MYO7B: variants seen among roughly 807,000 people sequenced by gnomAD.
MYO7B encodes the protein myosin VIIB.
MYO7B carries 212 observed loss-of-function variants against 259.7 expected under a neutral mutation model. The observed-to-expected ratio is 0.82, with a 90% confidence interval of 0.73 to 0.91. The LOEUF is 0.91. MYO7B is among the 40% of genes least tolerant of loss of function. MYO7B has a pLI of 0.00. For missense variants in MYO7B, 2,732 were observed against 2,813.5 expected (o/e 0.97, Z 0.66); for synonymous variants, 1,197 against 1,166.4 (o/e 1.03, Z -0.54).
rs1681054257 is a variant in MYO7B, at chr2:127,625,364, G to A, written c.4048-4G>A. 5.1e-6 allele frequency: 8 copies of A among 1,562,916 alleles called. No individual in the cohort carries two copies. Among genetic ancestry groups the A allele is most frequent in the Non-Finnish European group, 6.9e-6 (8 of 1,154,526 alleles). On this transcript the variant is annotated splice_polypyrimidine_tract_variant and splice_region_variant and intron_variant, in intron 30 of 47. Coordinates refer to ENST00000409816, the MANE Select transcript of MYO7B (RefSeq NM_001393586.1). ...CGCCCCCGTGGGTGCCCTGGGCTGT[G>A]CAGGAGGAAGAGCTGGTTGAGCTGC...
Position 127,629,754 on chromosome 2 carries a change from C to A in MYO7B, c.4734C>A (p.Gly1578=), listed in dbSNP as rs1343615799. 11 of 1,611,170 alleles carry A rather than the reference C, an allele frequency of 6.8e-6. No individual in the cohort carries two copies. In the Admixed American group the frequency reaches 1.7e-4, roughly 25 times the overall value. The change falls in exon 35 of 48, where the codon GGC becomes GGA. Residue 1578 remains glycine, a synonymous_variant. Transcript: ENST00000409816. ...NWTLGQNDRT[G]KTGLVPMACL... ...CCCTCGGCCAGAACGACAGGACAGG[C>A]AAGACGGGGCTGGTGCCCATGGCCT...
At position 127,627,529 on chromosome 2, in the gene MYO7B, G is replaced by T. The variant is rs770731165; in HGVS notation, c.4460+219G>T. 5.6e-6 allele frequency: 4 copies of T among 708,322 alleles called. No homozygotes were observed. Among genetic ancestry groups the T allele is most frequent in the African/African-American group, 3.5e-5 (2 of 57,170 alleles). 43.9% of individuals were successfully genotyped at this position (708,322 alleles called of 1,614,324 possible). A position where few individuals can be genotyped will look rare whatever the true frequency, so the allele number is the denominator to read the frequency against. On this transcript the variant is annotated intron_variant, in intron 33 of 47. Coordinates refer to ENST00000409816, the MANE Select transcript of MYO7B (RefSeq NM_001393586.1). This position sits in a 1 kb window ranked among gnomAD's most constrained non-coding sequence, Gnocchi z 5.6. The stretch of plus-strand genomic sequence containing the variant: ...GAAGTACTCCATTGGGGCATCACGC[G>T]TTGCACTGGCAGCTTCTCTTTGAAA...
At chr2:127,544,801 C>T (rs1358048290) in intron 1 of MYO7B, among the ~76,000 whole-genome samples, 2 of 152,064 alleles carry the variant, frequency 1.3e-5, no homozygotes, top group South Asian at 2.1e-4. Flanking sequence ...AGGATGGTCT[C>T]GATCTCCTGA....
At chr2:127,537,985 C>T (rs75658438) in intron 1 of MYO7B, among the ~76,000 whole-genome samples, 2,172 of 152,298 alleles carry the variant, frequency 0.014, 47 homozygotes, top group African/African-American at 0.049. Flanking sequence ...TGTGTTCCTT[C>T]ACTGCCAGCT....
intron 27 of MYO7B, among the ~76,000 whole-genome samples, chr2:127,620,976 G>A (rs1298900881): frequency 1.3e-5 from 2 of 152,218 alleles, no homozygotes; most frequent in African/African-American, 4.8e-5. Flanking sequence ...CCCACACTCA[G>A]AGCTAACTTC....
rs757687185 is a variant in MYO7B at position 127,620,389 on chromosome 2, A to C, written c.3448A>C (p.Thr1150Pro). ...CAAGCAGCTCTCGGAGAACTTCAAA[A>C]CAAGCAGCCTGGCCCGGGGCTGGAT... ...ICKQLSENFK[T>P]SSLARGWILL... is the part of the protein sequence containing the mutation. The change falls in exon 27 of 48, where the codon ACA (threonine) becomes CCA (proline). Residue 1150 changes from threonine (T) to proline (P), a missense_variant. This residue lies in a region of MYO7B where 1,906 missense variants were observed against 2,026.4 expected (regional missense o/e 0.94). Transcript: ENST00000409816. 1 of 1,611,606 alleles carries C rather than the reference A, an allele frequency of 6.2e-7. No individual in the cohort carries two copies. Among genetic ancestry groups the C allele is most frequent in the South Asian group, 1.1e-5 (1 of 90,932 alleles).
At position 127,634,201 on chromosome 2, in the gene MYO7B, G is replaced by T; in HGVS notation, c.5537G>T (p.Arg1846Leu). The T allele has an allele frequency of 6.2e-7, 1 of 1,606,664 alleles. No homozygotes were observed. Among genetic ancestry groups the T allele is most frequent in the South Asian group, 1.1e-5 (1 of 89,650 alleles). ...SEMLEVVANTRVRDVCDSIAT... is the reference protein window; with the variant it reads ...SEMLEVVANTLVRDVCDSIAT... ...ATGCTGGAGGTGGTTGCCAACACAC[G>T]GGTGCGGGATGTGTGTGACAGCATT... is the stretch of plus-strand genomic sequence containing the variant. Residue 1846 changes from arginine to leucine, a missense_variant, in exon 41 of 48, where the codon CGG becomes CTG. Physicochemically the swap from Arg to Leu is moderately radical, Grantham distance 102. This residue lies in a region of MYO7B where 821 missense variants were observed against 769.3 expected (regional missense o/e 1.07). Coordinates refer to ENST00000409816, the MANE Select transcript of MYO7B (RefSeq NM_001393586.1).
At chr2:127,620,521 AG>A in intron 27 of MYO7B, 55 bp downstream of exon 27, 1 of 1,439,306 alleles carries the variant, frequency 6.9e-7, no homozygotes, top group South Asian at 1.5e-5. Context: ...GTGGGAGCGT[AG>A]GTGGCCCCTG....
intron 9 of MYO7B, 66 bp downstream of exon 9, chr2:127,578,352 G>A (rs1678965261): frequency 6.3e-7 from 1 of 1,589,004 alleles, no homozygotes; most frequent in South Asian, 1.1e-5. Flanking sequence ...GAGCAGGAAG[G>A]CATCTCTAGG....
chr2:127,612,700 ACCTCCTTGT>A, intron 26 of MYO7B, 97 bp downstream of exon 26: 1 of 1,498,642 alleles, frequency 6.7e-7, no homozygotes. Context: ...CCCCTATGAC[ACCTCCTTGT>A]CCTGCGGCCT....
At position 127,584,272 on chromosome 2, in the gene MYO7B, G is replaced by T. The variant is rs557138491; in HGVS notation, c.1494G>T (p.Leu498=). 1 of 1,614,008 alleles carries T rather than the reference G, an allele frequency of 6.2e-7. No individual in the cohort carries two copies. Among genetic ancestry groups the T allele is most frequent in the South Asian group, 1.1e-5 (1 of 91,080 alleles). The change falls in exon 13 of 48, where the codon CTG becomes CTT. Residue 498 remains leucine, a synonymous_variant. Coordinates refer to ENST00000409816, the MANE Select transcript of MYO7B (RefSeq NM_001393586.1). The surrounding 1 kb of genome is among the most constrained non-coding windows in gnomAD (Gnocchi z 5.8). ...CCGACAATCGGCCCACCCTGGACCTGCTGGCCCTCAAGCCCATGAGCATCA... is the reference window on the plus strand; with the variant it reads ...CCGACAATCGGCCCACCCTGGACCTTCTGGCCCTCAAGCCCATGAGCATCA... ...HYTDNRPTLD[L]LALKPMSIIS... is the part of the protein sequence containing the mutation.
At chr2:127,625,343 C>A in intron 30 of MYO7B, 25 bp from the exon 31 acceptor site, 2 of 1,498,010 alleles carry the variant, frequency 1.3e-6, no homozygotes, top group East Asian at 2.5e-5. Context: ...CTCACTCGCC[C>A]CCGTGGGTGC....
In MYO7B at chr2:127,588,564, C is replaced by A; in HGVS notation, c.1854+9C>A. On this transcript the variant is annotated intron_variant, in intron 15 of 47. Transcript: ENST00000409816. Reference sequence around the variant, plus strand: ...GAAACCATCTCTTCAAGGTGGGCTCCCAGGCACCCTCCTGGGTCTGTCACC... The same window carrying A: ...GAAACCATCTCTTCAAGGTGGGCTCACAGGCACCCTCCTGGGTCTGTCACC... 1.9e-6 allele frequency: 3 copies of A among 1,612,808 alleles called. No individual in the cohort carries two copies. The highest frequency in any genetic ancestry group is 2.5e-6 in the Non-Finnish European group (3 of 1,179,776).
chr2:127,588,379 T>C lies in MYO7B; in HGVS notation c.1691-13T>C, dbSNP rs1201052891. 6 of 1,611,644 alleles carry C rather than the reference T, an allele frequency of 3.7e-6. No individual in the cohort carries two copies. The highest frequency in any genetic ancestry group is 4.2e-6 in the Non-Finnish European group (5 of 1,179,296). On this transcript the variant is annotated splice_polypyrimidine_tract_variant and intron_variant, in intron 14 of 47. Transcript: ENST00000409816. Reference sequence around the variant, plus strand: ...CTAAGCTGGGATGCTGGGTGGGCCCTGTGTCTCCACAGGCTTCCTGGAGAA... The same window carrying C: ...CTAAGCTGGGATGCTGGGTGGGCCCCGTGTCTCCACAGGCTTCCTGGAGAA...
At chr2:127,623,931 G>A (rs1246710712) in intron 29 of MYO7B, among the ~76,000 whole-genome samples, 162 bp from the exon 30 acceptor site, 1 of 152,214 alleles carries the variant, frequency 6.6e-6, no homozygotes, top group Admixed American at 6.5e-5. Context: ...GTGTGGAGAA[G>A]CCCTTCAGGT....
At chr2:127,592,754 TG>T in intron 16 of MYO7B, 39 bp from the exon 17 acceptor site, 2 of 1,584,308 alleles carry the variant, frequency 1.3e-6, no homozygotes, top group Non-Finnish European at 1.7e-6. Context: ...GGCTGGAAAG[TG>T]GGGCTTGCGC....
rs1360770472 is a variant in MYO7B at position 127,592,863 on chromosome 2, A to G, written c.2062A>G (p.Lys688Glu). The change falls in exon 17 of 48, where the codon AAG (lysine) becomes GAG (glutamate). Residue 688 changes from lysine to glutamate, a missense_variant. Lys to Glu is a moderately conservative substitution (Grantham distance 56). Coordinates refer to ENST00000409816, the MANE Select transcript of MYO7B (RefSeq NM_001393586.1). Reference protein sequence around the residue: ...SGMMETVHIRKSGFPIRYTFE... With the variant: ...SGMMETVHIRESGFPIRYTFE... ...CATGATGGAGACCGTGCACATCCGC[A>G]AGTCGGGCTTCCCCATCCGCTACAC... 1.1e-5 allele frequency: 18 copies of G among 1,610,322 alleles called. No individual in the cohort carries two copies. The highest frequency in any genetic ancestry group is 1.5e-5 in the Non-Finnish European group (18 of 1,178,904).
intron 26 of MYO7B, among the ~76,000 whole-genome samples, chr2:127,617,301 A>T (rs151214921): frequency 6.6e-6 from 1 of 152,164 alleles, no homozygotes; most frequent in Non-Finnish European, 1.5e-5. Flanking sequence ...TGGGGCAAAA[A>T]ATTCTCTCAA....
chr2:127,550,741 G>A (rs1693415010), intron 1 of MYO7B, among the ~76,000 whole-genome samples: 1 of 151,958 alleles, frequency 6.6e-6, no homozygotes, highest in African/African-American at 2.4e-5. Flanking sequence ...AACCCAAGGA[G>A]GAGGAGGGTA....
Sources: allele counts gnomAD v4.1 joint callset (sites outside exome capture counted in the v4.1 genomes callset), GRCh38; gene constraint gnomAD v4.1.1; regional missense constraint gnomAD v4.1.1; non-coding constraint Gnocchi (gnomAD v3.1); transcripts MANE v1.5; gene names NCBI Gene and HGNC (gene_info 2026-07-23, HGNC 2026-07-21).